The following ATL1 variants were observed in gnomAD, a reference collection of about 807,000 sequenced individuals.
The protein encoded by ATL1 is atlastin-1.
Under a neutral mutation model 75.5 loss-of-function variants are expected in ATL1, and 31 were observed. The observed-to-expected ratio is 0.41, with a 90% confidence interval of 0.31 to 0.55. The LOEUF is 0.55. ATL1 is among the 20% of genes least tolerant of loss of function. The pLI is 0.27. For synonymous variants in ATL1, 226 were observed against 233.3 expected, an observed-to-expected ratio of 0.97 and a Z score of 0.28; for missense variants, 405 against 662.6, an observed-to-expected ratio of 0.61 and a Z score of 4.27.
chr14:50,533,751 A>G (rs543991499), intron 1 of ATL1, among the ~76,000 whole-genome samples: 1 of 152,342 alleles, frequency 6.6e-6, no homozygotes, highest in East Asian at 1.9e-4. Context: ...CTTGAGAATT[A>G]AAATACTCCT....
chr14:50,560,429 C>A, intron 1 of ATL1, 130 bp downstream of exon 1: 1 of 1,219,458 alleles, frequency 8.2e-7, no homozygotes, highest in Non-Finnish European at 1.2e-6. Context: ...CGGGCCGTAG[C>A]CGAGCCGCTC....
chr14:50,569,276 C>G (rs1289915070), intron 1 of ATL1, among the ~76,000 whole-genome samples: 1 of 152,078 alleles, frequency 6.6e-6, no homozygotes, highest in Admixed American at 6.6e-5. Context: ...AGTAGAATCA[C>G]TTGGGCCCAG....
At chr14:50,607,319 C>G (rs937415657) in intron 6 of ATL1, among the ~76,000 whole-genome samples, 1 of 152,088 alleles carries the variant, frequency 6.6e-6, no homozygotes, top group Admixed American at 6.6e-5. Context: ...AACTATAGAG[C>G]TCTGCTGGTG....
chr14:50,552,730 C>T lies in ATL1; in HGVS notation c.-139-7397C>T, dbSNP rs924051641. ...AGCCAAATACTTACAGCTAACTGGT[C>T]GTCGACAAAACAAACAAAAACATAA... is the stretch of plus-strand genomic sequence containing the variant. On this transcript the variant is annotated intron_variant, in intron 1 of 13. Transcript: ENST00000441560. Among the ~76,000 whole-genome samples the T allele has an allele frequency of 5.3e-5, 8 of 152,186 alleles. No homozygotes were observed. The South Asian group carries it at 6.2e-4, about 12-fold the overall frequency.
chr14:50,549,432 C>T (rs1356122872), intron 1 of ATL1, among the ~76,000 whole-genome samples: 1 of 152,168 alleles, frequency 6.6e-6, no homozygotes, highest in Non-Finnish European at 1.5e-5. Context: ...AAGTCACATA[C>T]ATAAACCCAT....
intron 12 of ATL1, among the ~76,000 whole-genome samples, chr14:50,629,635 C>A (rs566365595): frequency 1.3e-5 from 2 of 148,636 alleles, no homozygotes; most frequent in East Asian, 3.9e-4. Flanking sequence ...ATAATTGTAA[C>A]GTGCCTTTGA....
intron 4 of ATL1, among the ~76,000 whole-genome samples, chr14:50,592,910 T>C (rs2039174060): frequency 1.1e-5 from 1 of 87,132 alleles, no homozygotes; most frequent in African/African-American, 6.5e-5. Flanking sequence ...GAGACTCCCG[T>C]CTCAAAAAAA....
chr14:50,564,668 AAAAAAAAAAG>A (rs1210209217), intron 1 of ATL1, among the ~76,000 whole-genome samples: 1 of 150,440 alleles, frequency 6.6e-6, no homozygotes, highest in African/African-American at 2.4e-5. Flanking sequence ...AAAAAAAAAA[AAAAAAAAAAG>A]AAGAAGAAAA....
chr14:50,625,531 C>G (rs925851515), intron 11 of ATL1, among the ~76,000 whole-genome samples: 1 of 152,182 alleles, frequency 6.6e-6, no homozygotes, highest in African/African-American at 2.4e-5. Flanking sequence ...TGCCTGGCTT[C>G]AAAGCTTGGA....
intron 1 of ATL1, among the ~76,000 whole-genome samples, chr14:50,542,006 CAAAAAAAAAAAAAAAAAAAAAAAAAAAA>C (rs59075218): frequency 6.4e-5 from 4 of 62,476 alleles, no homozygotes; most frequent in Non-Finnish European, 8.2e-5. Context: ...GATTCCGTCT[CAAAAAAAAAAAAAAAAAAAAAAAAAAAA>C]AAAAAAAAAA....
At position 50,627,175 on chromosome 14, in the gene ATL1, C is replaced by A. The variant is rs549923330; in HGVS notation, c.1120-856C>A. On this transcript the variant is annotated intron_variant, in intron 11 of 13. Coordinates refer to ENST00000358385, the MANE Select transcript of ATL1 (RefSeq NM_015915.5). ...CAGTCAGCAGCCATCGACATCGAGG[C>A]AAGAGCCTCCACCAGCAAAAAGATT... Among the ~76,000 whole-genome samples, 3 of 152,368 alleles carry A rather than the reference C, an allele frequency of 2.0e-5. No individual in the cohort carries two copies. In the South Asian group the frequency reaches 6.2e-4, roughly 32 times the overall value.
chr14:50,618,048 G>C (rs980394145), intron 8 of ATL1, among the ~76,000 whole-genome samples: 4 of 152,164 alleles, frequency 2.6e-5, no homozygotes, highest in African/African-American at 9.7e-5. Flanking sequence ...ACTTGCTGGT[G>C]CATTAACACA....
At chr14:50,552,569 A>G (rs1165251775) in intron 1 of ATL1, among the ~76,000 whole-genome samples, 3 of 152,196 alleles carry the variant, frequency 2.0e-5, no homozygotes, top group African/African-American at 7.2e-5. Flanking sequence ...CAGTAATAAG[A>G]AAAAGAACAA....
chr14:50,550,890 A>C (rs6572674), intron 1 of ATL1, among the ~76,000 whole-genome samples: 151,262 of 152,222 alleles, frequency 0.99, 75,168 homozygotes, highest in Middle Eastern at 1. Flanking sequence ...TGGGATACAG[A>C]AAAAATGGTG....
rs572310220 is a variant in ATL1 at position 50,595,562 on chromosome 14, A to G, written c.574-14A>G. The G allele has an allele frequency of 3.7e-6, 6 of 1,612,308 alleles. No individual in the cohort carries two copies. The East Asian group carries it at 8.9e-5, about 24-fold the overall frequency. On this transcript the variant is annotated splice_polypyrimidine_tract_variant and intron_variant, in intron 5 of 13. Transcript: ENST00000358385. ...TCTCTCTGTGTATGTGTGTGTGTGT[A>G]ATTTTTTTTCTAGCTTTTCACTGAG...
At chr14:50,587,467 G>C (rs2140201194) in intron 1 of ATL1, among the ~76,000 whole-genome samples, 1 of 152,040 alleles carries the variant, frequency 6.6e-6, no homozygotes, top group African/African-American at 2.4e-5. Flanking sequence ...CTGGAGTGCA[G>C]TGGCACAATC....
rs1463585732 is a variant in ATL1 at position 50,632,686 on chromosome 14, CTCATT to C, written c.*349_*353del. On this transcript the variant is annotated 3_prime_UTR_variant, in exon 14 of 14. Transcript: ENST00000358385. ...ATGTGATATTCCACGTTTGGATATG[CTCATT>C]TAATTTCTACAGAAAAAATTTTAAA... 4.7e-6 allele frequency: 1 copy of C among 212,038 alleles called. No individual in the cohort carries two copies. Among genetic ancestry groups the C allele is most frequent in the Non-Finnish European group, 9.6e-6 (1 of 103,738 alleles). 13.1% of individuals were successfully genotyped at this position (212,038 alleles called of 1,614,324 possible). A position where few individuals can be genotyped will look rare whatever the true frequency, so the allele number is the denominator to read the frequency against.
intron 1 of ATL1, among the ~76,000 whole-genome samples, chr14:50,570,607 T>C (rs928679084): frequency 2.6e-5 from 4 of 152,198 alleles, no homozygotes; most frequent in African/African-American, 9.6e-5. Flanking sequence ...TTTGTTTGTA[T>C]GTCATTTTCT....
intron 1 of ATL1, among the ~76,000 whole-genome samples, chr14:50,566,333 A>G (rs997672160): frequency 2.6e-5 from 4 of 152,286 alleles, no homozygotes; most frequent in Middle Eastern, 3.4e-3. Flanking sequence ...AAAGGTAAAC[A>G]CTTTCATTAA....
Sources: gnomAD v4.1 joint callset for allele counts (sites outside exome capture counted in the v4.1 genomes callset) on GRCh38, gnomAD v4.1.1 for gene constraint, MANE v1.5 for transcripts, NCBI Gene and HGNC (gene_info 2026-07-23, HGNC 2026-07-21) for gene names.